Variants in LMBR1 observed in about 807,000 individuals in gnomAD.
LMBR1 encodes the protein limb region 1 protein homolog.
Under a neutral mutation model 73.9 loss-of-function variants are expected in LMBR1, and 52 were observed. The ratio of observed to expected loss-of-function variants is 0.70; its 90% confidence interval spans 0.56 to 0.89. The LOEUF (loss-of-function observed/expected upper bound fraction) is 0.89, where lower values mean the gene tolerates loss of function less well. Among genes scored for constraint, LMBR1 ranks in the 40% least tolerant of loss-of-function variants. The pLI is 0.00. For missense variants in LMBR1, 539 were observed against 579.8 expected (o/e 0.93, Z 0.72); for synonymous variants, 215 against 209.4 (o/e 1.03, Z -0.23).
intron 6 of LMBR1, 47 bp from the exon 7 acceptor site, chr7:156,763,223 C>G: frequency 1.3e-6 from 1 of 768,666 alleles, no homozygotes; most frequent in South Asian, 1.8e-5. Context: ...AAATACTGCA[C>G]ATTAAGATAG....
At chr7:156,684,501 G>A (rs190254774) in intron 16 of LMBR1, among the ~76,000 whole-genome samples, 1 of 152,314 alleles carries the variant, frequency 6.6e-6, no homozygotes, top group East Asian at 1.9e-4. Context: ...GGCTTCCAGT[G>A]TGACTGCATC....
chr7:156,763,804 TAG>T lies in LMBR1; in HGVS notation c.424-11_424-10del. On this transcript the variant is annotated splice_polypyrimidine_tract_variant and intron_variant, in intron 5 of 16. Coordinates refer to ENST00000353442, the MANE Select transcript of LMBR1 (RefSeq NM_022458.4). ...ATGCGGGCTCGGATTCCCTGAAAAATAGAGTAGAAATATAATTTTAGTATTTT... is the reference window on the plus strand; with the variant it reads ...ATGCGGGCTCGGATTCCCTGAAAAATAGTAGAAATATAATTTTAGTATTTT... 6.3e-7 allele frequency: 1 copy of T among 1,579,394 alleles called. No individual in the cohort carries two copies. Among genetic ancestry groups the T allele is most frequent in the Non-Finnish European group, 8.6e-7 (1 of 1,168,866 alleles).
intron 1 of LMBR1, among the ~76,000 whole-genome samples, chr7:156,874,179 T>C (rs1799790548): frequency 1.3e-5 from 2 of 152,178 alleles, no homozygotes; most frequent in African/African-American, 2.4e-5. Flanking sequence ...GGACAAGAAA[T>C]TGAGCACAGC....
At chr7:156,887,575 C>T (rs1014695079) in intron 1 of LMBR1, among the ~76,000 whole-genome samples, 6 of 151,818 alleles carry the variant, frequency 4.0e-5, no homozygotes, top group African/African-American at 1.5e-4. Context: ...AGAGGAAAAC[C>T]TTCATGATGC....
intron 5 of LMBR1, among the ~76,000 whole-genome samples, chr7:156,772,068 G>A (rs1039316153): frequency 1.3e-5 from 2 of 152,056 alleles, no homozygotes; most frequent in African/African-American, 2.4e-5. Flanking sequence ...GAGGTCAGGG[G>A]TTCAAGACCA....
At chr7:156,782,404 C>A (rs370088397) in intron 5 of LMBR1, among the ~76,000 whole-genome samples, 1 of 152,162 alleles carries the variant, frequency 6.6e-6, no homozygotes, top group African/African-American at 2.4e-5. Context: ...TTGTTTTCCA[C>A]ACCAGCTCTT....
chr7:156,700,696 T>C (rs1445793992), intron 15 of LMBR1, among the ~76,000 whole-genome samples: 1 of 152,190 alleles, frequency 6.6e-6, no homozygotes, highest in Non-Finnish European at 1.5e-5. Flanking sequence ...AGTTCCAAAC[T>C]TTACCATATT....
At chr7:156,883,034 GA>G (rs34681713) in intron 1 of LMBR1, among the ~76,000 whole-genome samples, 36,804 of 149,444 alleles carry the variant, frequency 0.25, 5,031 homozygotes, top group East Asian at 0.43. Context: ...GACTCTGACT[GA>G]AAAAAAAAAT....
At chr7:156,873,428 G>A (rs1451781328) in intron 1 of LMBR1, among the ~76,000 whole-genome samples, 6 of 152,162 alleles carry the variant, frequency 3.9e-5, no homozygotes, top group Non-Finnish European at 8.8e-5. Flanking sequence ...ATTGCAAAGA[G>A]CGAAAGAACA....
At chr7:156,752,651 A>C (rs1361338603) in intron 9 of LMBR1, among the ~76,000 whole-genome samples, 2 of 152,224 alleles carry the variant, frequency 1.3e-5, no homozygotes, top group Non-Finnish European at 2.9e-5. Flanking sequence ...TGTTTTCTTA[A>C]GAAAATAGAA....
chr7:156,838,990 T>C (rs1248084057), intron 1 of LMBR1, among the ~76,000 whole-genome samples: 5 of 151,906 alleles, frequency 3.3e-5, no homozygotes, highest in Admixed American at 1.3e-4. Context: ...CACATTTTCA[T>C]ATACCTATTG....
intron 4 of LMBR1, among the ~76,000 whole-genome samples, chr7:156,811,782 G>C (rs7789482): frequency 6.6e-6 from 1 of 152,086 alleles, no homozygotes; most frequent in Non-Finnish European, 1.5e-5. Flanking sequence ...ACCACAAACC[G>C]AATGGCTTCA....
chr7:156,687,898 T>C (rs1806310742), intron 16 of LMBR1, 132 bp downstream of exon 16: 9 of 775,564 alleles, frequency 1.2e-5, no homozygotes, highest in Non-Finnish European at 1.6e-5. Context: ...TTGCACAAAG[T>C]AGGGGATCAA....
At chr7:156,811,090 C>A (rs1274348589) in intron 4 of LMBR1, among the ~76,000 whole-genome samples, 1 of 152,080 alleles carries the variant, frequency 6.6e-6, no homozygotes, top group Non-Finnish European at 1.5e-5. Flanking sequence ...GGATTACAGG[C>A]ATGAGCCACA....
chr7:156,857,837 A>T (rs1797179130), intron 1 of LMBR1, among the ~76,000 whole-genome samples: 1 of 152,184 alleles, frequency 6.6e-6, no homozygotes, highest in Non-Finnish European at 1.5e-5. Context: ...TTAAACAAAA[A>T]GCCTCTAAAT....
At chr7:156,693,252 A>G (rs1167167024) in intron 15 of LMBR1, among the ~76,000 whole-genome samples, 3 of 147,232 alleles carry the variant, frequency 2.0e-5, no homozygotes, top group African/African-American at 4.9e-5. Flanking sequence ...ATCTCAAAGA[A>G]CAAGGAATCA....
intron 9 of LMBR1, among the ~76,000 whole-genome samples, chr7:156,741,887 C>T (rs1818969061): frequency 6.6e-6 from 1 of 151,992 alleles, no homozygotes; most frequent in African/African-American, 2.4e-5. Context: ...AAGGACAGAC[C>T]ATATGTTAGG....
chr7:156,776,431 C>T (rs1383014174), intron 5 of LMBR1, among the ~76,000 whole-genome samples: 1 of 152,202 alleles, frequency 6.6e-6, no homozygotes, highest in Non-Finnish European at 1.5e-5. Context: ...TAGCTCATCA[C>T]CTCAATTCCA....
chr7:156,771,248 TAG>T (rs1437790659), intron 5 of LMBR1, among the ~76,000 whole-genome samples: 2 of 151,732 alleles, frequency 1.3e-5, no homozygotes, highest in Non-Finnish European at 2.9e-5. Context: ...CTGAATGAAA[TAG>T]AGACACGAAA....
Sources: allele counts gnomAD v4.1 joint callset (sites outside exome capture counted in the v4.1 genomes callset), GRCh38; gene constraint gnomAD v4.1.1; transcripts MANE v1.5; gene names NCBI Gene and HGNC (gene_info 2026-07-23, HGNC 2026-07-21).